Variants in SNX8 observed in about 807,000 individuals in gnomAD.
SNX8 encodes the protein sorting nexin 8, also known as sorting nexin-8.
In SNX8, 25 loss-of-function variants were observed where a neutral mutation model predicts 51.6. The observed-to-expected ratio is 0.48, with a 90% CI of 0.35 to 0.68. The LOEUF (loss-of-function observed/expected upper bound fraction) is 0.68, where lower values mean the gene tolerates loss of function less well. SNX8 is among the 30% of genes least tolerant of loss of function. SNX8 has a pLI of 0.00. For synonymous variants in SNX8, 324 were observed against 277.0 expected (o/e 1.17, Z -1.68); for missense variants, 695 against 624.0 (o/e 1.11, Z -1.21).
chr7:2,292,026 G>T (rs1796161982), intron 1 of SNX8, among the ~76,000 whole-genome samples: 1 of 152,212 alleles, frequency 6.6e-6, no homozygotes, highest in East Asian at 1.9e-4. Flanking sequence ...CACTCTGGGA[G>T]GCCGAGGTGG....
chr7:2,262,754 G>A (rs2115100238), intron 7 of SNX8, among the ~76,000 whole-genome samples: 1 of 152,354 alleles, frequency 6.6e-6, no homozygotes, highest in African/African-American at 2.4e-5. Context: ...AACGCTCCCA[G>A]GGAGCCACCA....
rs1420225372 is a variant in SNX8 at position 2,254,898 on chromosome 7, T to C, written c.*158A>G. 9 of 643,276 alleles carry C rather than the reference T, an allele frequency of 1.4e-5. No individual in the cohort carries two copies. Among genetic ancestry groups the C allele is most frequent in the Non-Finnish European group, 2.3e-5 (8 of 353,444 alleles). 39.8% of individuals were successfully genotyped at this position (643,276 alleles called of 1,614,324 possible). On this transcript the variant is annotated 3_prime_UTR_variant, in exon 11 of 11. Coordinates refer to ENST00000222990, the MANE Select transcript of SNX8 (RefSeq NM_013321.4). Reference sequence around the variant, plus strand: ...CCCAGCTGCCCCCATGGTCCACGGATGCGCCTCCCGACCCGCAGGCGTGAG... The same window carrying C: ...CCCAGCTGCCCCCATGGTCCACGGACGCGCCTCCCGACCCGCAGGCGTGAG...
intron 1 of SNX8, among the ~76,000 whole-genome samples, chr7:2,325,471 C>T (rs1778606370): frequency 6.6e-6 from 1 of 152,072 alleles, no homozygotes; most frequent in African/African-American, 2.4e-5. Context: ...TAAATGGTCA[C>T]AAACAGACTC....
intron 4 of SNX8, 98 bp from the exon 5 acceptor site, chr7:2,269,737 C>A (rs1474292347): frequency 8.7e-6 from 6 of 690,868 alleles, no homozygotes; most frequent in South Asian, 1.8e-5. Flanking sequence ...CGTCTTTCCT[C>A]AGGAGAAACA....
In SNX8 at chr7:2,273,091, C is replaced by A. The variant is rs577293999; in HGVS notation, c.419-1120G>T. On this transcript the variant is annotated intron_variant, in intron 3 of 10. Transcript: ENST00000222990. ...TCAGGTGATCCGCCCACCTCAGCCT[C>A]CCAAAGTGCTGGGATTACAGGCATG... 4.9e-4 allele frequency among the ~76,000 whole-genome samples: 75 copies of A among 152,186 alleles called. 1 individual carries two copies. The South Asian group carries it at 0.015, about 30-fold the overall frequency.
At chr7:2,333,518 C>T (rs953595798) in intron 1 of SNX8, among the ~76,000 whole-genome samples, 1 of 152,100 alleles carries the variant, frequency 6.6e-6, no homozygotes, top group African/African-American at 2.4e-5. Flanking sequence ...GCCAAGATTA[C>T]ACCACTGCAC....
chr7:2,296,947 T>C (rs968328132), intron 1 of SNX8, among the ~76,000 whole-genome samples: 1 of 151,552 alleles, frequency 6.6e-6, no homozygotes, highest in Non-Finnish European at 1.5e-5. Context: ...GAAAAAAATA[T>C]ATACAAATGG....
At chr7:2,342,795 GC>G (rs1414775752) in intron 1 of SNX8, among the ~76,000 whole-genome samples, 1 of 151,892 alleles carries the variant, frequency 6.6e-6, no homozygotes. Flanking sequence ...CTCCATCCTT[GC>G]TTTTATTTAT....
chr7:2,257,172 C>T, intron 9 of SNX8, 149 bp from the exon 10 acceptor site: 3 of 1,187,560 alleles, frequency 2.5e-6, no homozygotes, highest in Non-Finnish European at 3.5e-6. Flanking sequence ...AAGAGAGGGC[C>T]GGGGAGGGAG....
At chr7:2,329,151 A>T (rs1442613172) in intron 1 of SNX8, among the ~76,000 whole-genome samples, 3 of 149,516 alleles carry the variant, frequency 2.0e-5, no homozygotes, top group South Asian at 2.1e-4. Context: ...GGCACCTGTA[A>T]TCTCAGCTAC....
At chr7:2,342,412 G>T (rs987169187) in intron 1 of SNX8, among the ~76,000 whole-genome samples, 1 of 151,888 alleles carries the variant, frequency 6.6e-6, no homozygotes, top group South Asian at 2.1e-4. Context: ...CCAGCACTTT[G>T]GGGGGCTGAG....
rs1795093793 is a variant in SNX8 at position 2,253,438 on chromosome 7, T to G, written c.*1618A>C. 6.6e-6 allele frequency: 1 copy of G among 152,308 alleles called. No individual in the cohort carries two copies. Among genetic ancestry groups the G allele is most frequent in the Admixed American group, 6.5e-5 (1 of 15,280 alleles). 9.4% of individuals were successfully genotyped at this position (152,308 alleles called of 1,614,324 possible). ...CATGGCTCGGGTGTCATGGTGCCAT[T>G]CATGGCAACTGAGAACCTGTCTCTG... On this transcript the variant is annotated 3_prime_UTR_variant, in exon 11 of 11. Coordinates refer to ENST00000222990, the MANE Select transcript of SNX8 (RefSeq NM_013321.4).
At chr7:2,267,332 C>T (rs1331935278) in intron 5 of SNX8, among the ~76,000 whole-genome samples, 9 of 143,234 alleles carry the variant, frequency 6.3e-5, no homozygotes, top group Non-Finnish European at 1.2e-4. Context: ...CCCCCTCCCC[C>T]TCTCCCTCTC....
Position 2,254,900 on chromosome 7 carries a change from C to A in SNX8, c.*156G>T, listed in dbSNP as rs901492863. The A allele has an allele frequency of 1.6e-6, 1 of 644,280 alleles. No homozygotes were observed. Among genetic ancestry groups the A allele is most frequent in the Non-Finnish European group, 2.8e-6 (1 of 354,468 alleles). 39.9% of individuals were successfully genotyped at this position (644,280 alleles called of 1,614,324 possible). On this transcript the variant is annotated 3_prime_UTR_variant, in exon 11 of 11. Transcript: ENST00000222990. Reference sequence around the variant, plus strand: ...CAGCTGCCCCCATGGTCCACGGATGCGCCTCCCGACCCGCAGGCGTGAGCT... The same window carrying A: ...CAGCTGCCCCCATGGTCCACGGATGAGCCTCCCGACCCGCAGGCGTGAGCT...
intron 1 of SNX8, among the ~76,000 whole-genome samples, chr7:2,308,762 T>C (rs1415972984): frequency 6.8e-6 from 1 of 148,108 alleles, no homozygotes; most frequent in African/African-American, 2.5e-5. Context: ...CATAATTTAA[T>C]CACCATAAAA....
At chr7:2,328,061 T>C (rs1778658590) in intron 1 of SNX8, among the ~76,000 whole-genome samples, 1 of 151,980 alleles carries the variant, frequency 6.6e-6, no homozygotes, top group South Asian at 2.1e-4. Flanking sequence ...ATTTGTTTGT[T>C]TGTTTTGAGA....
At chr7:2,287,748 G>A (rs954532992) in intron 1 of SNX8, among the ~76,000 whole-genome samples, 6 of 151,460 alleles carry the variant, frequency 4.0e-5, no homozygotes, top group South Asian at 4.2e-4. Flanking sequence ...GTGAGACTCC[G>A]TCTCAAACAA....
At chr7:2,310,361 T>C (rs966050100) in intron 1 of SNX8, among the ~76,000 whole-genome samples, 3 of 152,172 alleles carry the variant, frequency 2.0e-5, no homozygotes, top group Non-Finnish European at 2.9e-5. Flanking sequence ...CGGTGCCTCA[T>C]GCCTGAAATC....
At chr7:2,350,947 C>G (rs1779124759) in intron 1 of SNX8, among the ~76,000 whole-genome samples, 1 of 152,050 alleles carries the variant, frequency 6.6e-6, no homozygotes, top group Non-Finnish European at 1.5e-5. Context: ...GTGCCTCGCT[C>G]TCTAAATAAA....
Sources: gnomAD v4.1 joint callset for allele counts (sites outside exome capture counted in the v4.1 genomes callset) on GRCh38, gnomAD v4.1.1 for gene constraint, MANE v1.5 for transcripts, NCBI Gene and HGNC (gene_info 2026-07-23, HGNC 2026-07-21) for gene names.